Variants in FHIT observed in about 807,000 individuals in gnomAD.
FHIT encodes bis(5'-adenosyl)-triphosphatase.
Under a neutral mutation model 17.9 loss-of-function variants are expected in FHIT, and 19 were observed. The observed-to-expected ratio is 1.06, with a 90% confidence interval of 0.74 to 1.56. The LOEUF (loss-of-function observed/expected upper bound fraction) is 1.56, where lower values mean the gene tolerates loss of function less well. FHIT is among the 40% of genes most tolerant of loss of function. The pLI is 0.00. For synonymous variants in FHIT, 81 were observed against 69.7 expected (o/e 1.16, Z -0.81); for missense variants, 248 against 189.2 (o/e 1.31, Z -1.82).
At chr3:61,173,506 T>C (rs1035533553) in intron 2 of FHIT, among the ~76,000 whole-genome samples, 5 of 152,232 alleles carry the variant, frequency 3.3e-5, no homozygotes, top group Non-Finnish European at 7.3e-5. Flanking sequence ...GAGGTATCTC[T>C]GAAGGATAGC....
intron 7 of FHIT, among the ~76,000 whole-genome samples, chr3:59,945,133 C>A (rs1706735593): frequency 6.6e-6 from 1 of 152,136 alleles, no homozygotes; most frequent in South Asian, 2.1e-4. Flanking sequence ...AGTTTACATT[C>A]CCACAAGCAG....
chr3:60,182,011 A>G (rs1701961120), intron 5 of FHIT, among the ~76,000 whole-genome samples: 1 of 152,200 alleles, frequency 6.6e-6, no homozygotes. Context: ...ACTTTTAATT[A>G]TATGCTAAGT....
At chr3:60,144,540 T>A (rs1468746090) in intron 5 of FHIT, among the ~76,000 whole-genome samples, 1 of 152,196 alleles carries the variant, frequency 6.6e-6, no homozygotes, top group Non-Finnish European at 1.5e-5. Context: ...TGATTAGTAT[T>A]TGCTTTAGGT....
chr3:60,169,595 A>T (rs1280257256), intron 5 of FHIT, among the ~76,000 whole-genome samples: 1 of 152,210 alleles, frequency 6.6e-6, no homozygotes, highest in Non-Finnish European at 1.5e-5. Flanking sequence ...ATCACAACCC[A>T]TGTTCCCCTT....
intron 2 of FHIT, among the ~76,000 whole-genome samples, chr3:61,131,607 G>A (rs138390059): frequency 1.3e-5 from 2 of 152,362 alleles, no homozygotes; most frequent in Non-Finnish European, 2.9e-5. Context: ...AGCTTGGAGA[G>A]TAGTGGCCCA....
intron 2 of FHIT, among the ~76,000 whole-genome samples, chr3:61,057,859 A>T (rs967427530): frequency 6.6e-6 from 1 of 152,208 alleles, no homozygotes; most frequent in Non-Finnish European, 1.5e-5. Context: ...TATGCCAACA[A>T]ATGTAAACAA....
At chr3:60,079,084 T>C (rs1258783857) in intron 5 of FHIT, among the ~76,000 whole-genome samples, 1 of 151,932 alleles carries the variant, frequency 6.6e-6, no homozygotes, top group African/African-American at 2.4e-5. Flanking sequence ...GTGATCGGGG[T>C]GGACAAACAA....
chr3:60,369,420 T>A (rs1216057852), intron 5 of FHIT, among the ~76,000 whole-genome samples: 1 of 152,242 alleles, frequency 6.6e-6, no homozygotes, highest in East Asian at 1.9e-4. Context: ...ATCTTGGTCA[T>A]CTTCCATCTG....
chr3:60,482,976 TA>T (rs1295032961), intron 5 of FHIT, among the ~76,000 whole-genome samples: 4 of 150,420 alleles, frequency 2.7e-5, no homozygotes, highest in African/African-American at 9.8e-5. Context: ...ATACACACAA[TA>T]AAAAAATGAT....
At chr3:60,250,571 T>C (rs575766981) in intron 5 of FHIT, among the ~76,000 whole-genome samples, 1 of 152,276 alleles carries the variant, frequency 6.6e-6, no homozygotes, top group African/African-American at 2.4e-5. Flanking sequence ...TAGGGTCAAT[T>C]ACAATTTAGA....
At chr3:60,739,489 C>T (rs782182002) in intron 4 of FHIT, among the ~76,000 whole-genome samples, 19 of 152,290 alleles carry the variant, frequency 1.2e-4, no homozygotes, top group Admixed American at 5.9e-4. Context: ...AACAGAGAGC[C>T]GCACCCCTGT....
At chr3:60,006,550 T>C (rs1370409154) in intron 7 of FHIT, among the ~76,000 whole-genome samples, 2 of 152,034 alleles carry the variant, frequency 1.3e-5, no homozygotes, top group African/African-American at 2.4e-5. Flanking sequence ...TCTATATCCA[T>C]GTCCAAATCC....
intron 5 of FHIT, among the ~76,000 whole-genome samples, chr3:60,096,951 CAGG>C (rs1703974918): frequency 6.8e-6 from 1 of 146,668 alleles, no homozygotes; most frequent in South Asian, 2.2e-4. Context: ...GAGACTGGGG[CAGG>C]AGGATTCCTT....
chr3:60,677,777 C>T (rs1305848411), intron 4 of FHIT, among the ~76,000 whole-genome samples: 1 of 152,086 alleles, frequency 6.6e-6, no homozygotes, highest in Non-Finnish European at 1.5e-5. Flanking sequence ...TAGAATTTGG[C>T]TATGAAGCCA....
chr3:60,654,868 G>A (rs1298680093), intron 4 of FHIT, among the ~76,000 whole-genome samples: 8 of 152,116 alleles, frequency 5.3e-5, no homozygotes, highest in African/African-American at 1.9e-4. Flanking sequence ...AAAAATAATG[G>A]TATATAGCTG....
intron 5 of FHIT, among the ~76,000 whole-genome samples, chr3:60,301,415 A>G (rs890218429): frequency 6.6e-6 from 1 of 152,172 alleles, no homozygotes; most frequent in African/African-American, 2.4e-5. Flanking sequence ...AGCTATAATT[A>G]CTGACTAAAC....
Position 59,790,645 on chromosome 3 carries a change from G to C in FHIT, c.349-38324C>G, listed in dbSNP as rs193110184. On this transcript the variant is annotated intron_variant, in intron 8 of 9. Transcript: ENST00000492590. The stretch of plus-strand genomic sequence containing the variant: ...TATAGTTAGGAAAACTGAAACACAG[G>C]CATCAGTGTGCTGTAACCCTACTAT... 7.2e-5 allele frequency among the ~76,000 whole-genome samples: 11 copies of C among 152,102 alleles called. No individual in the cohort carries two copies. The East Asian group carries it at 1.7e-3, about 24-fold the overall frequency.
At chr3:60,572,151 A>C (rs547383128) in intron 4 of FHIT, among the ~76,000 whole-genome samples, 3 of 152,162 alleles carry the variant, frequency 2.0e-5, no homozygotes, top group Admixed American at 6.6e-5. Context: ...CAACCAAATT[A>C]ACAATTAGTA....
intron 8 of FHIT, among the ~76,000 whole-genome samples, chr3:59,868,047 TAAAAAAA>T: frequency 9.0e-6 from 1 of 111,364 alleles, no homozygotes; most frequent in Middle Eastern, 5.0e-3. Context: ...TTTTTTTTTT[TAAAAAAA>T]AAAAAAAAAA....
Sources: gnomAD v4.1 joint callset for allele counts (sites outside exome capture counted in the v4.1 genomes callset) on GRCh38, gnomAD v4.1.1 for gene constraint, MANE v1.5 for transcripts, NCBI Gene and HGNC (gene_info 2026-07-23, HGNC 2026-07-21) for gene names.